AGAP1: variants seen among roughly 807,000 people sequenced by gnomAD.
AGAP1 encodes the protein arf-GAP with GTPase, ANK repeat and PH domain-containing protein 1.
A neutral mutation model predicts 105.3 loss-of-function variants in AGAP1; 29 were observed. The ratio of observed to expected loss-of-function variants is 0.28; its 90% CI spans 0.21 to 0.38. AGAP1 has a LOEUF of 0.38. Ranked by LOEUF, AGAP1 falls within the 10% of genes least tolerant of loss-of-function variation. The pLI, the probability that AGAP1 is intolerant of heterozygous loss-of-function variation, is 1.00. For synonymous variants in AGAP1, 509 were observed against 485.9 expected (o/e 1.05, Z -0.63); for missense variants, 998 against 1,165.1 (o/e 0.86, Z 2.09).
At chr2:235,987,868 C>T (rs558748245) in intron 13 of AGAP1, among the ~76,000 whole-genome samples, 3 of 152,106 alleles carry the variant, frequency 2.0e-5, no homozygotes, top group Non-Finnish European at 4.4e-5. Flanking sequence ...TGTCCTCATC[C>T]GTTCATGCGT....
intron 1 of AGAP1, among the ~76,000 whole-genome samples, chr2:235,684,237 G>A (rs1286378172): frequency 6.6e-6 from 1 of 152,018 alleles, no homozygotes; most frequent in African/African-American, 2.4e-5. Context: ...GTAGAGACAG[G>A]GTTTCACCAT....
chr2:235,880,864 T>C (rs2049987037), intron 9 of AGAP1, among the ~76,000 whole-genome samples: 1 of 152,194 alleles, frequency 6.6e-6, no homozygotes, highest in South Asian at 2.1e-4. Context: ...TATTACCGCA[T>C]CGCTGATGGT....
chr2:235,905,564 A>G lies in AGAP1; in HGVS notation c.1156-3174A>G, dbSNP rs2051265664. Reference sequence around the variant, plus strand: ...GCTTAGGCTGGAGTGCAATGGCATGATCTCTGCTCCCTGCAATCTCTGTCT... The same window carrying G: ...GCTTAGGCTGGAGTGCAATGGCATGGTCTCTGCTCCCTGCAATCTCTGTCT... On this transcript the variant is annotated intron_variant, in intron 10 of 17. Transcript: ENST00000304032. This position sits in a 1 kb window ranked among gnomAD's most constrained non-coding sequence, Gnocchi z 4.2. Among the ~76,000 whole-genome samples the G allele has an allele frequency of 6.6e-6, 1 of 152,102 alleles. No individual in the cohort carries two copies. Among genetic ancestry groups the G allele is most frequent in the South Asian group, 2.1e-4 (1 of 4,820 alleles).
At chr2:235,661,704 T>G (rs959787804) in intron 1 of AGAP1, among the ~76,000 whole-genome samples, 3 of 152,186 alleles carry the variant, frequency 2.0e-5, no homozygotes, top group African/African-American at 7.2e-5. Context: ...TGCTGATCTG[T>G]AGACCGTGCT....
rs1317517771 is a variant in AGAP1 at position 235,760,206 on chromosome 2, C to T, written c.673+9718C>T. Among the ~76,000 whole-genome samples the T allele has an allele frequency of 2.0e-5, 3 of 152,206 alleles. No homozygotes were observed. The East Asian group carries it at 5.8e-4, about 29-fold the overall frequency. ...GACCAGCCTGGCCAACATGCCGAAACCCCCCTCTCTAAAAATACAAAAATT... is the reference window on the plus strand; with the variant it reads ...GACCAGCCTGGCCAACATGCCGAAATCCCCCTCTCTAAAAATACAAAAATT... On this transcript the variant is annotated intron_variant, in intron 6 of 17. Coordinates refer to ENST00000304032, the MANE Select transcript of AGAP1 (RefSeq NM_001037131.3).
rs565442655 is a variant in AGAP1 at position 235,842,908 on chromosome 2, G to A, written c.1050+35577G>A. On this transcript the variant is annotated intron_variant, in intron 9 of 17. Coordinates refer to ENST00000304032, the MANE Select transcript of AGAP1 (RefSeq NM_001037131.3). The surrounding 1 kb of genome is among the most constrained non-coding windows in gnomAD (Gnocchi z 5.3). ...ATGCCCAGCTAATTTTGTATTTTTG[G>A]TAGAGATGGGGTTTCACCATGTTAG... Among the ~76,000 whole-genome samples, 11 of 152,236 alleles carry A rather than the reference G, an allele frequency of 7.2e-5. No homozygotes were observed. The South Asian group carries it at 1.7e-3, about 23-fold the overall frequency.
intron 1 of AGAP1, among the ~76,000 whole-genome samples, chr2:235,573,827 A>G (rs982908110): frequency 1.3e-5 from 2 of 152,208 alleles, no homozygotes; most frequent in Non-Finnish European, 2.9e-5. Context: ...GTGCATTCCT[A>G]AATCCAAATG....
At chr2:236,110,987 G>T (rs1004693829) in intron 16 of AGAP1, among the ~76,000 whole-genome samples, 2 of 152,178 alleles carry the variant, frequency 1.3e-5, no homozygotes, top group Non-Finnish European at 2.9e-5. Context: ...CGTGATAGAA[G>T]AGGCAAACCA....
At chr2:235,627,350 G>C (rs975170273) in intron 1 of AGAP1, among the ~76,000 whole-genome samples, 1 of 151,900 alleles carries the variant, frequency 6.6e-6, no homozygotes, top group African/African-American at 2.4e-5. Flanking sequence ...TCGGCCTCCT[G>C]AGTAGCTGGG....
At chr2:235,859,481 C>G (rs1330338266) in intron 9 of AGAP1, among the ~76,000 whole-genome samples, 9 of 145,168 alleles carry the variant, frequency 6.2e-5, no homozygotes, top group Non-Finnish European at 1.2e-4. Flanking sequence ...GGATCTGCAG[C>G]TTTCAGATAG....
intron 1 of AGAP1, among the ~76,000 whole-genome samples, chr2:235,496,305 C>T (rs1422897060): frequency 6.6e-6 from 1 of 152,190 alleles, no homozygotes; most frequent in Non-Finnish European, 1.5e-5. Flanking sequence ...CCCATGAGGT[C>T]ACCTGGCTGC....
At chr2:235,640,995 T>C (rs776600251) in intron 1 of AGAP1, among the ~76,000 whole-genome samples, 1 of 152,190 alleles carries the variant, frequency 6.6e-6, no homozygotes, top group Non-Finnish European at 1.5e-5. Context: ...CAATGTCTTT[T>C]ATAATGTCTC....
intron 1 of AGAP1, among the ~76,000 whole-genome samples, chr2:235,548,144 C>T (rs1184441574): frequency 6.6e-6 from 1 of 152,210 alleles, no homozygotes; most frequent in African/African-American, 2.4e-5. Flanking sequence ...CTGTTCCTGT[C>T]CTAGGGCAGA....
chr2:235,718,345 CCTT>C (rs1951222029), intron 3 of AGAP1: 2 of 984,112 alleles, frequency 2.0e-6, no homozygotes, highest in East Asian at 1.1e-4. Flanking sequence ...ATTTCTGGTT[CCTT>C]CTTTTTCTTA....
chr2:235,813,548 G>A (rs1029132470), intron 9 of AGAP1, among the ~76,000 whole-genome samples: 10 of 152,202 alleles, frequency 6.6e-5, no homozygotes, highest in African/African-American at 1.9e-4. Flanking sequence ...TCGGTGTCCC[G>A]CAGCTCAGAC....
At position 236,082,982 on chromosome 2, in the gene AGAP1, C is replaced by T. The variant is rs1020254496; in HGVS notation, c.2114+33701C>T. ...ACCAGCCTGACCAACATGGAGAAACCCTGTCTCTACTAAAAATACAAAATT... is the reference window on the plus strand; with the variant it reads ...ACCAGCCTGACCAACATGGAGAAACTCTGTCTCTACTAAAAATACAAAATT... On this transcript the variant is annotated intron_variant, in intron 16 of 17. Coordinates refer to ENST00000304032, the MANE Select transcript of AGAP1 (RefSeq NM_001037131.3). The surrounding 1 kb of genome is among the most constrained non-coding windows in gnomAD (Gnocchi z 4.2). Among the ~76,000 whole-genome samples the T allele has an allele frequency of 2.6e-5, 4 of 151,956 alleles. No homozygotes were observed. Among genetic ancestry groups the T allele is most frequent in the African/African-American group, 9.7e-5 (4 of 41,360 alleles).
rs1428217601 is a variant in AGAP1, at chr2:236,027,036, C to T, written c.1646-9525C>T. Among the ~76,000 whole-genome samples the T allele has an allele frequency of 2.0e-5, 3 of 152,140 alleles. No homozygotes were observed. The East Asian group carries it at 5.8e-4, about 29-fold the overall frequency. On this transcript the variant is annotated intron_variant, in intron 13 of 17. Transcript: ENST00000304032. The surrounding 1 kb of genome is among the most constrained non-coding windows in gnomAD (Gnocchi z 4.4). ...GTTGTGCCTGACAGAATTTGGAGCC[C>T]AGTGGTATTATTTTCTATGTTTATT...
At chr2:235,802,240 C>T (rs1957529001) in intron 8 of AGAP1, among the ~76,000 whole-genome samples, 1 of 152,174 alleles carries the variant, frequency 6.6e-6, no homozygotes, top group African/African-American at 2.4e-5. Flanking sequence ...CGGATTCACC[C>T]TGCAGACACA....
intron 1 of AGAP1, among the ~76,000 whole-genome samples, chr2:235,668,283 GCTATAACTT>G (rs1948196354): frequency 6.6e-6 from 1 of 152,120 alleles, no homozygotes; most frequent in African/African-American, 2.4e-5. Context: ...GATTTCCTAG[GCTATAACTT>G]CTATAACTTC....
Sources: allele counts gnomAD v4.1 joint callset (sites outside exome capture counted in the v4.1 genomes callset), GRCh38; gene constraint gnomAD v4.1.1; non-coding constraint Gnocchi (gnomAD v3.1); transcripts MANE v1.5; gene names NCBI Gene and HGNC (gene_info 2026-07-23, HGNC 2026-07-21).